The following RABEP1 variants were observed in gnomAD, a reference collection of about 807,000 sequenced individuals.
The protein encoded by RABEP1 is rabaptin, RAB GTPase binding effector protein 1, also known as rab GTPase-binding effector protein 1.
A neutral mutation model predicts 123.4 loss-of-function variants in RABEP1; 51 were observed. The observed-to-expected ratio is 0.41, with a 90% CI of 0.33 to 0.52. The LOEUF is 0.52. RABEP1 is among the 20% of genes least tolerant of loss of function. The pLI, the probability that RABEP1 is intolerant of heterozygous loss-of-function variation, is 0.16. For synonymous variants in RABEP1, 347 were observed against 355.2 expected, an observed-to-expected ratio of 0.98 and a Z score of 0.26; for missense variants, 888 against 996.3, an observed-to-expected ratio of 0.89 and a Z score of 1.46.
chr17:5,321,980 C>G (rs1002146082), intron 2 of RABEP1, among the ~76,000 whole-genome samples: 2 of 152,204 alleles, frequency 1.3e-5, no homozygotes, highest in African/African-American at 4.8e-5. Context: ...GGGTGGATCA[C>G]CTGAGGTCAG....
chr17:5,333,463 A>G (rs748785185), intron 3 of RABEP1, among the ~76,000 whole-genome samples: 5 of 152,146 alleles, frequency 3.3e-5, no homozygotes, highest in African/African-American at 7.2e-5. Context: ...TGCTTGGCCC[A>G]GATTAGTTAA....
chr17:5,301,781 A>G (rs935000965), intron 1 of RABEP1, among the ~76,000 whole-genome samples: 4 of 152,088 alleles, frequency 2.6e-5, no homozygotes, highest in Non-Finnish European at 5.9e-5. Flanking sequence ...TAAAAAAAAA[A>G]AAAATCAACC....
Position 5,282,314 on chromosome 17 carries a change from G to C in RABEP1, c.-173G>C, listed in dbSNP as rs900648291. The C allele has an allele frequency of 1.6e-5, 7 of 436,170 alleles. No individual in the cohort carries two copies. The East Asian group carries it at 2.5e-4, about 16-fold the overall frequency. The allele number at this position is 436,170 out of a possible 1,614,324, so 27.0% of individuals were successfully genotyped here. A position where few individuals can be genotyped will look rare whatever the true frequency, so the allele number is the denominator to read the frequency against. ...GATGAGGAGGCGGAGGTCGGCGGTCGGGTCCGTCTCTGCCCGCGGCTGTGG... is the reference window on the plus strand; with the variant it reads ...GATGAGGAGGCGGAGGTCGGCGGTCCGGTCCGTCTCTGCCCGCGGCTGTGG... On this transcript the variant is annotated 5_prime_UTR_variant, in exon 1 of 18. Transcript: ENST00000537505.
At position 5,294,765 on chromosome 17, in the gene RABEP1, A is replaced by G. The variant is rs544343556; in HGVS notation, c.34+12245A>G. ...TGGGTTTGCGCCATTCTCTTGCCTC[A>G]GCCTCCCGAGTAGCTGGGACTACAG... On this transcript the variant is annotated intron_variant, in intron 1 of 17. Coordinates refer to ENST00000537505, the MANE Select transcript of RABEP1 (RefSeq NM_004703.6). Among the ~76,000 whole-genome samples, 635 of 141,532 alleles carry G rather than the reference A, an allele frequency of 4.5e-3. 3 individuals carry two copies. Among genetic ancestry groups the G allele is most frequent in the African/African-American group, 0.016 (602 of 38,382 alleles). The allele number at this position is 141,532 out of a possible 152,430, so 92.9% of individuals were successfully genotyped here. A position where few individuals can be genotyped will look rare whatever the true frequency, so the allele number is the denominator to read the frequency against.
At chr17:5,285,602 T>C (rs2074970334) in intron 1 of RABEP1, among the ~76,000 whole-genome samples, 1 of 152,224 alleles carries the variant, frequency 6.6e-6, no homozygotes. Context: ...TATATACTCA[T>C]GGTTATATGG....
Position 5,377,299 on chromosome 17 carries a change from G to C in RABEP1, c.2209G>C (p.Glu737Gln). ...LQLEIENCKE[E>Q]IASISSLKAE... ...ACTAGAAATAGAAAACTGCAAGGAG[G>C]AAATAGGTGAAGATAAAAGTGATGT... The change falls in exon 14 of 18, where the codon GAA becomes CAA. Residue 737 changes from glutamate (E) to glutamine (Q), a missense_variant. Glu to Gln is a conservative substitution (Grantham distance 29). Transcript: ENST00000537505. 1 of 1,578,166 alleles carries C rather than the reference G, an allele frequency of 6.3e-7. No homozygotes were observed. The highest frequency in any genetic ancestry group is 8.5e-7 in the Non-Finnish European group (1 of 1,170,454).
intron 2 of RABEP1, among the ~76,000 whole-genome samples, chr17:5,311,718 A>C (rs2075244036): frequency 6.6e-6 from 1 of 150,388 alleles, no homozygotes; most frequent in Non-Finnish European, 1.5e-5. Flanking sequence ...AAAAAAAAAA[A>C]AACAGACTAA....
At position 5,320,438 on chromosome 17, in the gene RABEP1, A is replaced by G. The variant is rs538693349; in HGVS notation, c.164-11511A>G. On this transcript the variant is annotated intron_variant, in intron 2 of 17. Transcript: ENST00000537505. Reference sequence around the variant, plus strand: ...TAACACACCAAAAAAAAAAAAAAAAAAAAAAAGAAAAAGAAACACACTGGT... The same window carrying G: ...TAACACACCAAAAAAAAAAAAAAAAGAAAAAAGAAAAAGAAACACACTGGT... Among the ~76,000 whole-genome samples the G allele has an allele frequency of 5.8e-4, 86 of 149,130 alleles. No individual in the cohort carries two copies. The South Asian group carries it at 9.6e-3, about 17-fold the overall frequency.
intron 1 of RABEP1, among the ~76,000 whole-genome samples, chr17:5,293,286 T>G (rs577970721): frequency 1.3e-5 from 2 of 151,000 alleles, no homozygotes; most frequent in South Asian, 2.1e-4. Flanking sequence ...AAACTCTGTC[T>G]CCCCCCTCAA....
intron 1 of RABEP1, among the ~76,000 whole-genome samples, chr17:5,293,812 A>C (rs1206526518): frequency 6.6e-6 from 1 of 152,212 alleles, no homozygotes; most frequent in East Asian, 1.9e-4. Flanking sequence ...AATCAATTAG[A>C]TAGCTGCTCA....
intron 9 of RABEP1, 147 bp downstream of exon 9, chr17:5,361,822 C>A (rs1909572001): frequency 2.3e-5 from 15 of 659,822 alleles, no homozygotes; most frequent in South Asian, 2.0e-4. Flanking sequence ...TGTCACCTGA[C>A]CCTTGTCATA....
intron 16 of RABEP1, among the ~76,000 whole-genome samples, chr17:5,380,863 T>C (rs778054503): frequency 6.6e-6 from 1 of 152,132 alleles, no homozygotes; most frequent in Admixed American, 6.6e-5. Context: ...GTTGTGGGGG[T>C]AGTTTCCTAG....
intron 5 of RABEP1, 89 bp downstream of exon 5, chr17:5,338,227 A>T: frequency 2.8e-6 from 4 of 1,417,842 alleles, no homozygotes; most frequent in Non-Finnish European, 3.8e-6. Flanking sequence ...AGGGAAAAAA[A>T]CCTGTAATTT....
At position 5,290,963 on chromosome 17, in the gene RABEP1, A is replaced by G. The variant is rs185714608; in HGVS notation, c.34+8443A>G. The stretch of plus-strand genomic sequence containing the variant: ...TATTAACACTTTCACAATTGAGGCT[A>G]TACAAATTAGTAACTTGCCTAGAAT... On this transcript the variant is annotated intron_variant, in intron 1 of 17. Coordinates refer to ENST00000537505, the MANE Select transcript of RABEP1 (RefSeq NM_004703.6). Among the ~76,000 whole-genome samples the G allele has an allele frequency of 3.9e-5, 6 of 152,328 alleles. No homozygotes were observed. The East Asian group carries it at 1.2e-3, about 29-fold the overall frequency.
chr17:5,294,400 A>G (rs538865029), intron 1 of RABEP1, among the ~76,000 whole-genome samples: 1 of 152,158 alleles, frequency 6.6e-6, no homozygotes, highest in South Asian at 2.1e-4. Context: ...AAACCAATAA[A>G]ACAATAAGAA....
At position 5,361,516 on chromosome 17, in the gene RABEP1, A is replaced by C; in HGVS notation, c.1404A>C (p.Leu468Phe). The change falls in exon 9 of 18, where the codon TTA (leucine) becomes TTC (phenylalanine). Residue 468 changes from leucine (L) to phenylalanine (F), a missense_variant. Coordinates refer to ENST00000537505, the MANE Select transcript of RABEP1 (RefSeq NM_004703.6). The part of the protein sequence containing the change: ...GSLQMPSGFM[L>F]TKDQERAIKA... Reference sequence around the variant, plus strand: ...TCCAGATGCCAAGTGGGTTTATGTTAACCAAAGATCAGGAAAGAGCAATCA... The same window carrying C: ...TCCAGATGCCAAGTGGGTTTATGTTCACCAAAGATCAGGAAAGAGCAATCA... The C allele has an allele frequency of 5.6e-6, 9 of 1,614,206 alleles. No homozygotes were observed. The highest frequency in any genetic ancestry group is 7.6e-6 in the Non-Finnish European group (9 of 1,180,046).
chr17:5,332,416 G>C (rs1906635474), intron 3 of RABEP1, among the ~76,000 whole-genome samples: 1 of 152,046 alleles, frequency 6.6e-6, no homozygotes, highest in South Asian at 2.1e-4. Flanking sequence ...TTCATTGTAA[G>C]GCTTAAAAGT....
chr17:5,310,422 C>G (rs1243538775), intron 2 of RABEP1, among the ~76,000 whole-genome samples: 2 of 149,552 alleles, frequency 1.3e-5, no homozygotes, highest in Non-Finnish European at 2.9e-5. Flanking sequence ...TCAAGTGATT[C>G]TCCTGCCCTG....
intron 17 of RABEP1, among the ~76,000 whole-genome samples, chr17:5,382,643 T>C (rs1911574599): frequency 6.6e-6 from 1 of 151,900 alleles, no homozygotes; most frequent in African/African-American, 2.4e-5. Flanking sequence ...TCCCAGCTAC[T>C]TGGGAGGCTG....
Sources: allele counts gnomAD v4.1 joint callset (sites outside exome capture counted in the v4.1 genomes callset), GRCh38; gene constraint gnomAD v4.1.1; transcripts MANE v1.5; gene names NCBI Gene and HGNC (gene_info 2026-07-23, HGNC 2026-07-21).